The following GABRG3 variants were observed in gnomAD, a reference collection of about 807,000 sequenced individuals.
GABRG3 encodes gamma-aminobutyric acid type A receptor subunit gamma3, also known as gamma-aminobutyric acid receptor subunit gamma-3.
In GABRG3, 25 loss-of-function variants were observed where a neutral mutation model predicts 48.8. The ratio of observed to expected loss-of-function variants is 0.51; its 90% CI spans 0.37 to 0.72. GABRG3 has a LOEUF of 0.72. Ranked by LOEUF, GABRG3 falls within the 30% of genes least tolerant of loss-of-function variation. GABRG3 has a pLI of 0.00. For missense variants in GABRG3, 394 were observed against 577.9 expected (o/e 0.68, Z 3.26); for synonymous variants, 227 against 217.6 (o/e 1.04, Z -0.38).
chr15:26,989,406 G>A (rs11635092), intron 2 of GABRG3, among the ~76,000 whole-genome samples: 43,222 of 152,034 alleles, frequency 0.28, 6,767 homozygotes, highest in Non-Finnish European at 0.36. Context: ...ATGGATAAAT[G>A]TTTTGATTTT....
Position 27,375,816 on chromosome 15 carries a change from C to T in GABRG3, c.574+46928C>T, listed in dbSNP as rs560265322. 2.0e-5 allele frequency among the ~76,000 whole-genome samples: 3 copies of T among 152,220 alleles called. No individual in the cohort carries two copies. In the East Asian group the frequency reaches 5.8e-4, roughly 29 times the overall value. On this transcript the variant is annotated intron_variant, in intron 5 of 9. Coordinates refer to ENST00000615808, the MANE Select transcript of GABRG3 (RefSeq NM_033223.5). ...AGATTTGGGTGGGGACACAGCCAAA[C>T]CATATCATTCCACCCCTAGCCCCTC...
At chr15:27,038,016 G>C (rs1896208222) in intron 3 of GABRG3, among the ~76,000 whole-genome samples, 1 of 152,154 alleles carries the variant, frequency 6.6e-6, no homozygotes, top group South Asian at 2.1e-4. Context: ...GGAAGAGCCT[G>C]CAGCATCCCT....
chr15:27,307,067 A>T (rs1389159545), intron 3 of GABRG3, among the ~76,000 whole-genome samples: 1 of 127,010 alleles, frequency 7.9e-6, no homozygotes, highest in African/African-American at 3.2e-5. Flanking sequence ...AAACATGTAT[A>T]ATATAAACAT....
chr15:27,197,065 A>G, intron 3 of GABRG3, among the ~76,000 whole-genome samples: 1 of 152,188 alleles, frequency 6.6e-6, no homozygotes, highest in East Asian at 1.9e-4. Flanking sequence ...GAATGGATAG[A>G]ACGATCCTTC....
chr15:27,234,435 A>G (rs1373693553), intron 3 of GABRG3, among the ~76,000 whole-genome samples: 2 of 152,192 alleles, frequency 1.3e-5, no homozygotes, highest in African/African-American at 4.8e-5. Context: ...GGAAATAACA[A>G]TAACACTTCC....
chr15:27,398,688 A>C (rs531780113), intron 5 of GABRG3, among the ~76,000 whole-genome samples: 19 of 151,972 alleles, frequency 1.3e-4, no homozygotes, highest in Middle Eastern at 3.4e-3. Context: ...ACACACACAC[A>C]CCCCTCTATT....
At chr15:27,420,583 G>A (rs113990052) in intron 5 of GABRG3, 1 of 152,272 alleles carries the variant, frequency 6.6e-6, no homozygotes, top group African/African-American at 2.4e-5. Flanking sequence ...TGATGGACAT[G>A]TTAATTAGTT....
intron 6 of GABRG3, among the ~76,000 whole-genome samples, chr15:27,511,281 T>A (rs73369581): frequency 0.053 from 8,136 of 152,250 alleles, 756 homozygotes; most frequent in African/African-American, 0.19. Flanking sequence ...CTGACCTACC[T>A]AACACCGTGT....
intron 3 of GABRG3, among the ~76,000 whole-genome samples, chr15:27,182,035 A>G (rs995951899): frequency 3.3e-5 from 5 of 151,500 alleles, no homozygotes; most frequent in East Asian, 1.9e-4. Context: ...TGAAAACAAA[A>G]TGCAACCCCA....
intron 3 of GABRG3, among the ~76,000 whole-genome samples, chr15:27,298,224 C>T (rs1892068957): frequency 6.6e-6 from 1 of 152,144 alleles, no homozygotes; most frequent in Non-Finnish European, 1.5e-5. Context: ...AGCAGGCACA[C>T]ATTAGATTCA....
rs1242481138 is a variant in GABRG3, at chr15:27,179,161, A to G, written c.271-147648A>G. On this transcript the variant is annotated intron_variant, in intron 3 of 9. Transcript: ENST00000615808. The surrounding 1 kb of genome is among the most constrained non-coding windows in gnomAD (Gnocchi z 4.0). ...CATGGAAGCTTACAAGTCAGAAATT[A>G]TGAAAATCCTCTTCAGAAATTCTAA... Among the ~76,000 whole-genome samples, 1 of 152,220 alleles carries G rather than the reference A, an allele frequency of 6.6e-6. No individual in the cohort carries two copies. The highest frequency in any genetic ancestry group is 1.5e-5 in the Non-Finnish European group (1 of 68,040).
At chr15:27,000,255 C>T (rs1393438223) in intron 2 of GABRG3, among the ~76,000 whole-genome samples, 1 of 152,074 alleles carries the variant, frequency 6.6e-6, no homozygotes, top group Non-Finnish European at 1.5e-5. Context: ...TTTTCATATT[C>T]CTATAGATAT....
At chr15:27,181,064 A>G (rs1223493987) in intron 3 of GABRG3, among the ~76,000 whole-genome samples, 1 of 152,228 alleles carries the variant, frequency 6.6e-6, no homozygotes, top group Non-Finnish European at 1.5e-5. Context: ...CCTTGAATAA[A>G]TAAATATGTG....
intron 3 of GABRG3, among the ~76,000 whole-genome samples, chr15:27,311,877 A>G (rs537103687): frequency 6.6e-6 from 1 of 152,276 alleles, no homozygotes; most frequent in African/African-American, 2.4e-5. Context: ...TAGTCTGTGA[A>G]TATTGGGAGA....
rs199840203 is a variant in GABRG3, at chr15:27,369,893, G to A, written c.574+41005G>A. Among the ~76,000 whole-genome samples the A allele has an allele frequency of 1.2e-4, 18 of 149,578 alleles. No homozygotes were observed. The East Asian group carries it at 3.6e-3, about 30-fold the overall frequency. Reference sequence around the variant, plus strand: ...GTGGGCACGGACCCAGATCTCCACCGTCCTCTTTTCTCACCTTGGGGAGGC... The same window carrying A: ...GTGGGCACGGACCCAGATCTCCACCATCCTCTTTTCTCACCTTGGGGAGGC... On this transcript the variant is annotated intron_variant, in intron 5 of 9. Coordinates refer to ENST00000615808, the MANE Select transcript of GABRG3 (RefSeq NM_033223.5).
At position 27,316,166 on chromosome 15, in the gene GABRG3, C is replaced by T. The variant is rs182009063; in HGVS notation, c.271-10643C>T. On this transcript the variant is annotated intron_variant, in intron 3 of 9. Coordinates refer to ENST00000615808, the MANE Select transcript of GABRG3 (RefSeq NM_033223.5). ...TTGGGAGGCCGAGGTGGGCGGATCA[C>T]GAGGTCAGGAAATCGAGACCATCCC... Among the ~76,000 whole-genome samples the T allele has an allele frequency of 8.0e-3, 1,213 of 152,156 alleles. 12 individuals carry two copies. Among genetic ancestry groups the T allele is most frequent in the Non-Finnish European group, 0.014 (920 of 67,996 alleles).
intron 3 of GABRG3, among the ~76,000 whole-genome samples, chr15:27,260,981 A>G (rs770822146): frequency 1.5e-4 from 23 of 152,182 alleles, no homozygotes; most frequent in Non-Finnish European, 3.1e-4. Context: ...ACAAGGACAC[A>G]ATGGTATTCT....
At chr15:27,239,500 C>G (rs1280002908) in intron 3 of GABRG3, among the ~76,000 whole-genome samples, 1 of 152,146 alleles carries the variant, frequency 6.6e-6, no homozygotes, top group African/African-American at 2.4e-5. Flanking sequence ...CATTTTCTAG[C>G]CTTGTACCTC....
At chr15:27,104,134 A>T (rs932440140) in intron 3 of GABRG3, among the ~76,000 whole-genome samples, 6 of 152,246 alleles carry the variant, frequency 3.9e-5, no homozygotes, top group African/African-American at 1.4e-4. Flanking sequence ...TAGTGTTTCA[A>T]GAAGAGAAAA....
Sources: allele counts gnomAD v4.1 joint callset (sites outside exome capture counted in the v4.1 genomes callset), GRCh38; gene constraint gnomAD v4.1.1; non-coding constraint Gnocchi (gnomAD v3.1); transcripts MANE v1.5; gene names NCBI Gene and HGNC (gene_info 2026-07-23, HGNC 2026-07-21).